The following FCHO2 variants were observed in gnomAD, a reference collection of about 807,000 sequenced individuals.
FCHO2 encodes the protein F-BAR domain only protein 2.
Under a neutral mutation model 114.1 loss-of-function variants are expected in FCHO2, and 43 were observed. The ratio of observed to expected loss-of-function variants is 0.38; its 90% CI spans 0.30 to 0.49. FCHO2 has a LOEUF of 0.49. FCHO2 is among the 20% of genes least tolerant of loss of function. FCHO2 has a pLI of 0.97. For synonymous variants in FCHO2, 293 were observed against 315.2 expected (o/e 0.93, Z 0.75); for missense variants, 807 against 950.4 (o/e 0.85, Z 1.98).
intron 15 of FCHO2, 48 bp from the exon 16 acceptor site, chr5:73,056,017 T>G: frequency 1.6e-6 from 2 of 1,269,688 alleles, no homozygotes; most frequent in East Asian, 5.1e-5. Context: ...CATTAAAATA[T>G]TTTATTTCTC....
intron 8 of FCHO2, among the ~76,000 whole-genome samples, chr5:73,028,203 AG>A (rs1177397646): frequency 6.6e-6 from 1 of 152,294 alleles, no homozygotes; most frequent in South Asian, 2.1e-4. Context: ...TCTGGGAAAA[AG>A]AAAAAAAGAC....
At chr5:73,026,777 C>T (rs1755944827) in intron 8 of FCHO2, among the ~76,000 whole-genome samples, 1 of 152,034 alleles carries the variant, frequency 6.6e-6, no homozygotes, top group African/African-American at 2.4e-5. Flanking sequence ...GTGCAACCTC[C>T]ACCTCCCGGG....
chr5:73,050,446 G>A (rs1042454494), intron 11 of FCHO2, among the ~76,000 whole-genome samples: 1 of 151,936 alleles, frequency 6.6e-6, no homozygotes, highest in African/African-American at 2.4e-5. Context: ...AGCCTCCAGA[G>A]TAACTGGGAT....
At chr5:72,979,688 G>A (rs539991496) in intron 2 of FCHO2, among the ~76,000 whole-genome samples, 1 of 152,186 alleles carries the variant, frequency 6.6e-6, no homozygotes, top group Non-Finnish European at 1.5e-5. Context: ...ACCGCGCCCG[G>A]CCGAATTTAT....
intron 10 of FCHO2, among the ~76,000 whole-genome samples, 172 bp from the exon 11 acceptor site, chr5:73,041,119 T>C (rs1383963285): frequency 5.3e-5 from 8 of 152,180 alleles, no homozygotes; most frequent in Non-Finnish European, 8.8e-5. Context: ...AATGCCTTTT[T>C]TGAATTTTAA....
At chr5:72,980,748 G>A (rs887658335) in intron 2 of FCHO2, among the ~76,000 whole-genome samples, 4 of 151,792 alleles carry the variant, frequency 2.6e-5, no homozygotes, top group East Asian at 1.9e-4. Context: ...CTGTTTTATC[G>A]AAGACTAGGA....
At chr5:72,984,855 C>T (rs1323456339) in intron 2 of FCHO2, among the ~76,000 whole-genome samples, 1 of 151,918 alleles carries the variant, frequency 6.6e-6, no homozygotes, top group African/African-American at 2.4e-5. Context: ...AGGCTGGTCT[C>T]AAACACCAGA....
At chr5:73,076,690 G>A (rs746360165) in intron 20 of FCHO2, among the ~76,000 whole-genome samples, 20 of 152,166 alleles carry the variant, frequency 1.3e-4, no homozygotes, top group Non-Finnish European at 1.9e-4. Flanking sequence ...ACTAGTGAGA[G>A]TATGAGGAAG....
At chr5:73,011,698 G>A (rs1395187076) in intron 6 of FCHO2, among the ~76,000 whole-genome samples, 1 of 152,040 alleles carries the variant, frequency 6.6e-6, no homozygotes, top group Non-Finnish European at 1.5e-5. Flanking sequence ...ATCACTTGAG[G>A]TCACGAGTTT....
chr5:73,058,394 T>C, intron 16 of FCHO2, 39 bp from the exon 17 acceptor site: 5 of 1,385,502 alleles, frequency 3.6e-6, no homozygotes, highest in Admixed American at 2.4e-5. Context: ...TAATAAAATA[T>C]TCTCGTTAAA....
In FCHO2 at chr5:73,004,699, G is replaced by GAACT. The variant is rs1388835547; in HGVS notation, c.496-1746_496-1745insAACT. ...AGAACTGTATAAATTTCTAAGACAA[G>GAACT]GTCAGATGGGTAGTGCAGTGCTGAG... is the stretch of plus-strand genomic sequence containing the variant. On this transcript the variant is annotated intron_variant, in intron 5 of 25. Coordinates refer to ENST00000430046, the MANE Select transcript of FCHO2 (RefSeq NM_138782.3). 2.6e-5 allele frequency among the ~76,000 whole-genome samples: 4 copies of GAACT among 152,082 alleles called. No homozygotes were observed. The East Asian group carries it at 5.8e-4, about 22-fold the overall frequency.
At chr5:73,074,260 A>G (rs1742808993) in intron 19 of FCHO2, among the ~76,000 whole-genome samples, 1 of 151,982 alleles carries the variant, frequency 6.6e-6, no homozygotes, top group African/African-American at 2.4e-5. Context: ...GGAATACAAT[A>G]CAAGCATCAG....
intron 8 of FCHO2, among the ~76,000 whole-genome samples, chr5:73,034,185 T>C (rs1403167605): frequency 6.6e-6 from 1 of 152,230 alleles, no homozygotes; most frequent in African/African-American, 2.4e-5. Flanking sequence ...CTGGCATTTT[T>C]TAAGTATTGA....
chr5:73,081,945 G>A lies in FCHO2; in HGVS notation c.2143G>A (p.Gly715Arg). 1.9e-6 allele frequency: 3 copies of A among 1,598,206 alleles called. No homozygotes were observed. The highest frequency in any genetic ancestry group is 2.6e-6 in the Non-Finnish European group (3 of 1,171,478). Reference sequence around the variant, plus strand: ...ACAGGTGGTGGTACCAGTGGATGGAGGAGTAACGAACATGCAGTCCCTTCC... The same window carrying A: ...ACAGGTGGTGGTACCAGTGGATGGAAGAGTAACGAACATGCAGTCCCTTCC... ...NIQVVVPVDG[G>R]VTNMQSLPPA... The change falls in exon 23 of 26, where the codon GGA (glycine) becomes AGA (arginine). Residue 715 changes from glycine to arginine, a missense_variant. Coordinates refer to ENST00000430046, the MANE Select transcript of FCHO2 (RefSeq NM_138782.3).
intron 5 of FCHO2, among the ~76,000 whole-genome samples, chr5:72,998,137 A>G (rs1196922709): frequency 6.6e-6 from 1 of 152,094 alleles, no homozygotes. Flanking sequence ...ATTACTTGTG[A>G]TGAGAATGTA....
chr5:73,078,865 C>T (rs986133672), intron 22 of FCHO2, among the ~76,000 whole-genome samples: 1 of 152,114 alleles, frequency 6.6e-6, no homozygotes, highest in Non-Finnish European at 1.5e-5. Context: ...AAACCAATTA[C>T]AAAAACTAGT....
intron 2 of FCHO2, among the ~76,000 whole-genome samples, chr5:72,969,085 TA>T (rs1201662707): frequency 6.6e-6 from 1 of 152,236 alleles, no homozygotes; most frequent in Non-Finnish European, 1.5e-5. Flanking sequence ...CTATTAAGAA[TA>T]AATATAATTT....
chr5:73,008,155 A>G (rs1754816392), intron 6 of FCHO2, among the ~76,000 whole-genome samples: 1 of 152,214 alleles, frequency 6.6e-6, no homozygotes. Context: ...TTAATGGCAA[A>G]AGAATTTAGG....
Position 73,058,572 on chromosome 5 carries a change from T to C in FCHO2, c.1345+48T>C, listed in dbSNP as rs1311723963. The C allele has an allele frequency of 1.8e-5, 15 of 829,960 alleles. No individual in the cohort carries two copies. The East Asian group carries it at 2.4e-4, about 13-fold the overall frequency. The allele number at this position is 829,960 out of a possible 1,614,324, so 51.4% of individuals were successfully genotyped here. ...GTATTTTTTTAAATAAAGAATACTT[T>C]AGTTGCTTTTTCTCATTCACTTTTT... On this transcript the variant is annotated intron_variant, in intron 17 of 25. Transcript: ENST00000430046.
Sources: gnomAD v4.1 joint callset for allele counts (sites outside exome capture counted in the v4.1 genomes callset) on GRCh38, gnomAD v4.1.1 for gene constraint, MANE v1.5 for transcripts, NCBI Gene and HGNC (gene_info 2026-07-23, HGNC 2026-07-21) for gene names.